MIA3: variants seen among roughly 807,000 people sequenced by gnomAD.
MIA3 encodes the protein transport and Golgi organization protein 1 homolog.
Under a neutral mutation model 192.4 loss-of-function variants are expected in MIA3, and 90 were observed. That is an observed-to-expected ratio of 0.47 (90% confidence interval 0.39 to 0.56). The LOEUF (loss-of-function observed/expected upper bound fraction) is 0.56, where lower values mean the gene tolerates loss of function less well. MIA3 is among the 20% of genes least tolerant of loss of function. MIA3 has a pLI of 0.00. For synonymous variants in MIA3, 740 were observed against 792.8 expected (o/e 0.93, Z 1.12); for missense variants, 2,123 against 2,269.4 (o/e 0.94, Z 1.31).
chr1:222,633,585 A>G (rs1034046954), intron 6 of MIA3, among the ~76,000 whole-genome samples: 6 of 152,214 alleles, frequency 3.9e-5, no homozygotes, highest in African/African-American at 1.4e-4. Context: ...CTGATGGTAG[A>G]ACAATCTGTG....
chr1:222,662,458 C>G, intron 26 of MIA3, 126 bp downstream of exon 26: 1 of 1,531,008 alleles, frequency 6.5e-7, no homozygotes, highest in African/African-American at 1.4e-5. Flanking sequence ...TTTAAAAAAG[C>G]AAACTGTTCT....
At chr1:222,646,268 T>C (rs1242643283) in intron 7 of MIA3, 1 of 151,680 alleles carries the variant, frequency 6.6e-6, no homozygotes, top group Non-Finnish European at 1.5e-5. Context: ...ATACGAAAAT[T>C]AGCCAGGTGT....
intron 24 of MIA3, 147 bp from the exon 25 acceptor site, chr1:222,661,909 C>T (rs1204900202): frequency 1.6e-6 from 1 of 625,622 alleles, no homozygotes; most frequent in Non-Finnish European, 2.8e-6. Flanking sequence ...TAAGTCCGTG[C>T]ATAAATTGTA....
Position 222,665,826 on chromosome 1 carries a change from C to T in MIA3, c.*207C>T, listed in dbSNP as rs1247198504. The T allele has an allele frequency of 9.4e-6, 4 of 425,592 alleles. No individual in the cohort carries two copies. Among genetic ancestry groups the T allele is most frequent in the South Asian group, 7.6e-5 (1 of 13,244 alleles). 26.4% of individuals were successfully genotyped at this position (425,592 alleles called of 1,614,324 possible). On this transcript the variant is annotated 3_prime_UTR_variant, in exon 28 of 28. Coordinates refer to ENST00000344922, the MANE Select transcript of MIA3 (RefSeq NM_198551.4). ...ATAAAAATCACCTTTTAAGCTAGAG[C>T]GTCCTTACAACTTTGAAATGTGCAA...
chr1:222,665,454 C>T lies in MIA3; in HGVS notation c.5559C>T (p.Tyr1853=), dbSNP rs374401869. The T allele has an allele frequency of 7.4e-6, 12 of 1,613,922 alleles. No individual in the cohort carries two copies. The South Asian group carries it at 9.9e-5, about 13-fold the overall frequency. The change falls in exon 28 of 28, where the codon TAC becomes TAT. Residue 1853 remains tyrosine, a synonymous_variant. Coordinates refer to ENST00000344922, the MANE Select transcript of MIA3 (RefSeq NM_198551.4). ...RPLGSLGPRE[Y]FIPGTRLPPP... ...TAGGTTCACTTGGCCCAAGAGAGTA[C>T]TTTATTCCTGGTACCCGATTACCAC... is the stretch of plus-strand genomic sequence containing the variant.
rs770272016 is a variant in MIA3, at chr1:222,632,252, A to C, written c.3257A>C (p.Asp1086Ala). Residue 1086 changes from aspartate to alanine, a missense_variant, in exon 5 of 28, where the codon GAC becomes GCC. Physicochemically the swap from Asp to Ala is moderately radical, Grantham distance 126. Coordinates refer to ENST00000344922, the MANE Select transcript of MIA3 (RefSeq NM_198551.4). ...GTTCCTGAAGAACCCACCCACTTGGACCAACGTGTGATTGGGGACACTCAT... is the reference window on the plus strand; with the variant it reads ...GTTCCTGAAGAACCCACCCACTTGGCCCAACGTGTGATTGGGGACACTCAT... Reference protein sequence around the residue: ...VQVPEEPTHLDQRVIGDTHAS... With the variant: ...VQVPEEPTHLAQRVIGDTHAS... The C allele has an allele frequency of 2.5e-5, 41 of 1,614,212 alleles. No homozygotes were observed. The highest frequency in any genetic ancestry group is 3.1e-5 in the Non-Finnish European group (36 of 1,180,024).
At chr1:222,652,093 A>G (rs754585601) in intron 12 of MIA3, 45 bp downstream of exon 12, 5 of 1,339,946 alleles carry the variant, frequency 3.7e-6, no homozygotes, top group Non-Finnish European at 5.3e-6. Flanking sequence ...ACTATATCAT[A>G]GTTTGATTGC....
At position 222,654,811 on chromosome 1, in the gene MIA3, T is replaced by A. The variant is rs758307393; in HGVS notation, c.4607+18T>A. The A allele has an allele frequency of 1.9e-5, 31 of 1,605,144 alleles. No homozygotes were observed. Among genetic ancestry groups the A allele is most frequent in the Non-Finnish European group, 4.3e-6 (5 of 1,172,626 alleles). On this transcript the variant is annotated intron_variant, in intron 18 of 27. Coordinates refer to ENST00000344922, the MANE Select transcript of MIA3 (RefSeq NM_198551.4). ...TTGCAAAAGTAAGATTATCATCATT[T>A]ACTGTTAACTGTATTGTCATGTCAG...
chr1:222,628,739 A>G lies in MIA3; in HGVS notation c.1519A>G (p.Met507Val), dbSNP rs766306744. The stretch of plus-strand genomic sequence containing the variant: ...TGTTCACAGCAATAACCTCAACTCT[A>G]TGCCAGCTGCTGAAAAGGGTAAAGA... Reference protein sequence around the residue: ...SSVHSNNLNSMPAAEKGKDTL... With the variant: ...SSVHSNNLNSVPAAEKGKDTL... Residue 507 changes from methionine (M) to valine (V), a missense_variant, in exon 4 of 28, where the codon ATG becomes GTG. By Grantham distance (21) the Met-to-Val change is conservative. Coordinates refer to ENST00000344922, the MANE Select transcript of MIA3 (RefSeq NM_198551.4). The G allele has an allele frequency of 4.5e-5, 72 of 1,614,062 alleles. No homozygotes were observed. Among genetic ancestry groups the G allele is most frequent in the Admixed American group, 1.0e-4 (6 of 60,006 alleles).
At chr1:222,664,927 A>G in intron 27 of MIA3, 2 of 468,790 alleles carry the variant, frequency 4.3e-6, no homozygotes, top group Non-Finnish European at 8.8e-6. Context: ...CTGTAATCCC[A>G]GCACTTTATG....
rs567908936 is a variant in MIA3, at chr1:222,644,569, A to T, written c.3478-985A>T. The T allele has an allele frequency of 1.8e-5, 28 of 1,550,622 alleles. 2 individuals carry two copies. The South Asian group carries it at 3.3e-4, about 18-fold the overall frequency. ...CTTGTCTGTGCTCTACGCAGCCTTCATAGCCAAGCTGCTGGAGGTGACAGT... is the reference window on the plus strand; with the variant it reads ...CTTGTCTGTGCTCTACGCAGCCTTCTTAGCCAAGCTGCTGGAGGTGACAGT... On this transcript the variant is annotated intron_variant, in intron 6 of 27. Coordinates refer to ENST00000344922, the MANE Select transcript of MIA3 (RefSeq NM_198551.4).
Position 222,665,744 on chromosome 1 carries a change from G to A in MIA3, c.*125G>A. On this transcript the variant is annotated 3_prime_UTR_variant, in exon 28 of 28. Coordinates refer to ENST00000344922, the MANE Select transcript of MIA3 (RefSeq NM_198551.4). ...AAAGGTTTGTTGTTAGAACTAAGCT[G>A]CCTTGGCAGTGTGCATTTTTGAGCC... The A allele has an allele frequency of 1.3e-6, 1 of 761,594 alleles. No individual in the cohort carries two copies. The highest frequency in any genetic ancestry group is 1.9e-6 in the Non-Finnish European group (1 of 524,728). 47.2% of individuals were successfully genotyped at this position (761,594 alleles called of 1,614,324 possible). A position where few individuals can be genotyped will look rare whatever the true frequency, so the allele number is the denominator to read the frequency against.
intron 18 of MIA3, among the ~76,000 whole-genome samples, chr1:222,658,081 C>T (rs892737365): frequency 3.3e-5 from 5 of 152,188 alleles, no homozygotes; most frequent in African/African-American, 1.2e-4. Flanking sequence ...AACCAATTTC[C>T]AGTACATAGC....
chr1:222,627,794 G>A lies in MIA3; in HGVS notation c.574G>A (p.Val192Ile), dbSNP rs1662188419. ...AGCCAACTCAGAGGAAAGTGATAGT[G>A]TATTCTCAGAAAACACTGAGGATCT... ...VEANSEESDS[V>I]FSENTEDLQE... Residue 192 changes from valine (V) to isoleucine (I), a missense_variant, in exon 4 of 28, where the codon GTA becomes ATA. Coordinates refer to ENST00000344922, the MANE Select transcript of MIA3 (RefSeq NM_198551.4). 6.2e-7 allele frequency: 1 copy of A among 1,613,798 alleles called. No homozygotes were observed. The highest frequency in any genetic ancestry group is 1.3e-5 in the African/African-American group (1 of 74,908).
chr1:222,626,252 GT>G, intron 3 of MIA3, among the ~76,000 whole-genome samples: 1 of 152,278 alleles, frequency 6.6e-6, no homozygotes, highest in African/African-American at 2.4e-5. Context: ...GCTCTCAGGG[GT>G]TATATAGTCA....
Position 222,628,422 on chromosome 1 carries a change from T to C in MIA3, c.1202T>C (p.Met401Thr). Residue 401 changes from methionine (M) to threonine (T), a missense_variant, in exon 4 of 28, where the codon ATG (methionine) becomes ACG (threonine). Physicochemically the swap from Met to Thr is moderately conservative, Grantham distance 81 (BLOSUM62 -1). Around this residue, in one of 3 missense-constraint regions of MIA3, gnomAD observed 1,357 missense variants for 1,396.1 expected, o/e 0.97. Coordinates refer to ENST00000344922, the MANE Select transcript of MIA3 (RefSeq NM_198551.4). ...VTGGEETRDT[M>T]DLESSSSEEE... is the part of the protein sequence containing the mutation. Reference sequence around the variant, plus strand: ...GGAGGTGAAGAAACAAGAGATACGATGGATTTAGAGAGCTCTAGTTCAGAG... The same window carrying C: ...GGAGGTGAAGAAACAAGAGATACGACGGATTTAGAGAGCTCTAGTTCAGAG... 1 of 1,613,852 alleles carries C rather than the reference T, an allele frequency of 6.2e-7. No individual in the cohort carries two copies. Among genetic ancestry groups the C allele is most frequent in the Non-Finnish European group, 8.5e-7 (1 of 1,179,942 alleles).
At position 222,650,722 on chromosome 1, in the gene MIA3, C is replaced by A; in HGVS notation, c.3798+11C>A. On this transcript the variant is annotated intron_variant, in intron 10 of 27. Transcript: ENST00000344922. ...GCAATTAAATATAAGGTAAAAACTTCTTTTGGGGATTACATTTTAAAACAA... is the reference window on the plus strand; with the variant it reads ...GCAATTAAATATAAGGTAAAAACTTATTTTGGGGATTACATTTTAAAACAA... 6.3e-7 allele frequency: 1 copy of A among 1,578,940 alleles called. No individual in the cohort carries two copies. The highest frequency in any genetic ancestry group is 8.6e-7 in the Non-Finnish European group (1 of 1,157,042).
intron 7 of MIA3, among the ~76,000 whole-genome samples, chr1:222,647,117 T>C (rs1213924321): frequency 6.6e-6 from 1 of 152,234 alleles, no homozygotes; most frequent in African/African-American, 2.4e-5. Flanking sequence ...TTTCATCATG[T>C]ACTATTTTAC....
At position 222,647,519 on chromosome 1, in the gene MIA3, CT is replaced by C. The variant is rs1219846443; in HGVS notation, c.3610-1304del. Among the ~76,000 whole-genome samples the C allele has an allele frequency of 3.3e-5, 5 of 152,164 alleles. No individual in the cohort carries two copies. In the East Asian group the frequency reaches 9.7e-4, roughly 29 times the overall value. ...TGTAAAATTACTTAAAAAGAAGGGT[CT>C]TTTTTCCTGTGAGGCCTTCTCTAAC... On this transcript the variant is annotated intron_variant, in intron 7 of 27. Transcript: ENST00000344922.
Sources: gnomAD v4.1 joint callset for allele counts (sites outside exome capture counted in the v4.1 genomes callset) on GRCh38, gnomAD v4.1.1 for gene constraint, gnomAD v4.1.1 regional missense constraint, MANE v1.5 for transcripts, NCBI Gene and HGNC (gene_info 2026-07-23, HGNC 2026-07-21) for gene names.